Variants in EIF5A observed in about 807,000 individuals in gnomAD.
The protein encoded by EIF5A is eukaryotic translation initiation factor 5A-1.
Under a neutral mutation model 16.6 loss-of-function variants are expected in EIF5A, and 1 was observed. The observed-to-expected ratio is 0.06, with a 90% CI of 0.02 to 0.28. The LOEUF (loss-of-function observed/expected upper bound fraction) is 0.28. Among genes scored for constraint, EIF5A ranks in the 10% least tolerant of loss-of-function variants. EIF5A has a pLI of 1.00. For synonymous variants in EIF5A, 80 were observed against 73.6 expected (o/e 1.09, Z -0.44); for missense variants, 29 against 196.1 (o/e 0.15, Z 5.09).
rs1449505575 is a variant in EIF5A, at chr17:7,308,656, G to T, written c.-22+904G>T. On this transcript the variant is annotated intron_variant, in intron 1 of 5. Transcript: ENST00000336458. ...GGACAGGAGCCCAACTTTTCTGTCG[G>T]CCTGGGTGGACAGCGCCTAAAAGCC... 8 of 1,250,270 alleles carry T rather than the reference G, an allele frequency of 6.4e-6. No homozygotes were observed. The African/African-American group carries it at 1.2e-4, about 19-fold the overall frequency. 77.4% of individuals were successfully genotyped at this position (1,250,270 alleles called of 1,614,324 possible).
chr17:7,307,177 G>C (rs1196716866), upstream of EIF5A: 7 of 1,501,952 alleles, frequency 4.7e-6, no homozygotes, highest in Non-Finnish European at 6.3e-6. Flanking sequence ...ATGCGTTCTA[G>C]ACGAGACAAG....
At position 7,311,080 on chromosome 17, in the gene EIF5A, T is replaced by C. The variant is rs1226123644; in HGVS notation, c.228T>C (p.Thr76=). ...GKKYEDICPS[T]HNMDVPNIKR... ...AATATGAAGATATCTGCCCGTCAAC[T>C]CATAATATGGATGTCCCCAACATCA... The change falls in exon 3 of 6, where the codon ACT becomes ACC. Residue 76 remains threonine, a synonymous_variant. Coordinates refer to ENST00000336458, the MANE Select transcript of EIF5A (RefSeq NM_001970.5). 3 of 1,613,886 alleles carry C rather than the reference T, an allele frequency of 1.9e-6. No homozygotes were observed. The highest frequency in any genetic ancestry group is 2.5e-6 in the Non-Finnish European group (3 of 1,179,824).
upstream of EIF5A, chr17:7,307,549 G>C (rs1297942370): frequency 9.9e-7 from 1 of 1,007,732 alleles, no homozygotes; most frequent in Non-Finnish European, 1.2e-6. Context: ...TGCGGGGGTG[G>C]AGGGCGGAGG....
At chr17:7,307,503 A>C (rs1393868493), upstream of EIF5A, 1 of 904,658 alleles carries the variant, frequency 1.1e-6, no homozygotes, top group Non-Finnish European at 1.3e-6. Context: ...GGTGGGAGGG[A>C]GGGTGGAGAT....
At position 7,309,924 on chromosome 17, in the gene EIF5A, T is replaced by C. The variant is rs114722578; in HGVS notation, c.165+124T>C. On this transcript the variant is annotated intron_variant, in intron 2 of 5. Transcript: ENST00000336458. ...TGCTTTTACTGTCTGATTGTTTTTGTTTAGCGCTCAGCCTTCATACCCATT... is the reference window on the plus strand; with the variant it reads ...TGCTTTTACTGTCTGATTGTTTTTGCTTAGCGCTCAGCCTTCATACCCATT... The C allele has an allele frequency of 1.6e-3, 2,527 of 1,590,806 alleles. 39 individuals carry two copies. The African/African-American group carries it at 0.031, about 19-fold the overall frequency.
At chr17:7,311,743 CCCCTAGCCTGGCTCTGTCCT>C in intron 5 of EIF5A, 59 bp from the exon 6 acceptor site, 1 of 1,514,326 alleles carries the variant, frequency 6.6e-7, no homozygotes, top group Non-Finnish European at 9.0e-7. Flanking sequence ...TTACTTTCTG[CCCCTAGCCTGGCTCTGTCCT>C]CCCTATCCTT....
intron 1 of EIF5A, chr17:7,308,673 C>G: frequency 2.7e-6 from 3 of 1,100,956 alleles, no homozygotes; most frequent in South Asian, 1.3e-5. Context: ...TGGACAGCGC[C>G]TAAAAGCCTC....
intron 1 of EIF5A, among the ~76,000 whole-genome samples, chr17:7,309,026 T>A (rs140279623): frequency 6.6e-6 from 1 of 152,166 alleles, no homozygotes; most frequent in Non-Finnish European, 1.5e-5. Context: ...GGAAACAACT[T>A]TGCTTTCTCC....
At chr17:7,307,042 C>G (rs753310006), upstream of EIF5A, 2 of 1,592,602 alleles carry the variant, frequency 1.3e-6, no homozygotes, top group South Asian at 2.3e-5. Context: ...AGACATCTCC[C>G]GCGCATGTGT....
At chr17:7,310,835 G>A in intron 2 of EIF5A, 183 bp from the exon 3 acceptor site, 2 of 985,292 alleles carry the variant, frequency 2.0e-6, no homozygotes, top group Non-Finnish European at 2.4e-6. Context: ...TGGTTTTTTA[G>A]CCTCTGTTTT....
rs972453879 is a variant in EIF5A at position 7,310,843 on chromosome 17, T to G, written c.166-175T>G. 5 of 985,328 alleles carry G rather than the reference T, an allele frequency of 5.1e-6. No homozygotes were observed. The African/African-American group carries it at 8.7e-5, about 17-fold the overall frequency. The allele number at this position is 985,328 out of a possible 1,614,324, so 61.0% of individuals were successfully genotyped here. A position where few individuals can be genotyped will look rare whatever the true frequency, so the allele number is the denominator to read the frequency against. On this transcript the variant is annotated intron_variant, in intron 2 of 5. Coordinates refer to ENST00000336458, the MANE Select transcript of EIF5A (RefSeq NM_001970.5). The stretch of plus-strand genomic sequence containing the variant: ...TCAACGGTGGTTTTTTAGCCTCTGT[T>G]TTTTTTCTTTAAGAGGCTTTACTGT...
intron 1 of EIF5A, 76 bp from the exon 2 acceptor site, chr17:7,309,539 C>G: frequency 6.4e-7 from 1 of 1,570,494 alleles, no homozygotes. Context: ...GAAAATGTTT[C>G]TGGAGAGAAA....
intron 2 of EIF5A, chr17:7,310,542 TC>T (rs1448324401): frequency 9.1e-7 from 1 of 1,099,236 alleles, no homozygotes; most frequent in East Asian, 8.3e-5. Context: ...TCTGTGCTCT[TC>T]TGGCTTCCTT....
At chr17:7,309,192 CA>C (rs397951895) in intron 1 of EIF5A, among the ~76,000 whole-genome samples, 4 of 151,470 alleles carry the variant, frequency 2.6e-5, no homozygotes, top group Non-Finnish European at 4.4e-5. Flanking sequence ...TCCCCCCCCC[CA>C]ATTAGCCCTG....
At chr17:7,307,251 G>C (rs376991599), upstream of EIF5A, 2 of 1,229,186 alleles carry the variant, frequency 1.6e-6, no homozygotes, top group African/African-American at 3.0e-5. Context: ...GGAAGGGGTT[G>C]TTTAGGATTC....
Position 7,311,005 on chromosome 17 carries a change from T to C in EIF5A, c.166-13T>C. Reference sequence around the variant, plus strand: ...AGTTTGGTTGGGTTTCTCTTTGTGATGCATACATACAGGTCCATCTGGTTG... The same window carrying C: ...AGTTTGGTTGGGTTTCTCTTTGTGACGCATACATACAGGTCCATCTGGTTG... On this transcript the variant is annotated splice_polypyrimidine_tract_variant and intron_variant, in intron 2 of 5. Coordinates refer to ENST00000336458, the MANE Select transcript of EIF5A (RefSeq NM_001970.5). 6.2e-7 allele frequency: 1 copy of C among 1,605,798 alleles called. No homozygotes were observed.
At chr17:7,310,172 C>T (rs2072774683) in intron 2 of EIF5A, 1 of 1,295,012 alleles carries the variant, frequency 7.7e-7, no homozygotes, top group South Asian at 1.2e-5. Context: ...CATCACGTTG[C>T]CCAGGGTTTC....
upstream of EIF5A, chr17:7,307,138 A>G: frequency 6.3e-7 from 1 of 1,576,836 alleles, no homozygotes; most frequent in Non-Finnish European, 8.6e-7. Context: ...AGTCCAGTTA[A>G]AGCCGAGGTG....
At chr17:7,310,069 G>T (rs1266551683) in intron 2 of EIF5A, 1 of 1,448,178 alleles carries the variant, frequency 6.9e-7, no homozygotes, top group East Asian at 3.1e-5. Context: ...TCAATTCATA[G>T]GCCTTTATGC....
Sources: gnomAD v4.1 joint callset for allele counts (sites outside exome capture counted in the v4.1 genomes callset) on GRCh38, gnomAD v4.1.1 for gene constraint, MANE v1.5 for transcripts, NCBI Gene and HGNC (gene_info 2026-07-23, HGNC 2026-07-21) for gene names.